Variants in CSMD2 observed in about 807,000 individuals in gnomAD.
CSMD2 encodes CUB and Sushi multiple domains 2.
A neutral mutation model predicts 398.5 loss-of-function variants in CSMD2; 130 were observed. The ratio of observed to expected loss-of-function variants is 0.33; its 90% CI spans 0.28 to 0.38. The LOEUF is 0.38. Among genes scored for constraint, CSMD2 ranks in the 10% least tolerant of loss-of-function variants. The pLI, the probability that CSMD2 is intolerant of heterozygous loss-of-function variation, is 1.00. For missense variants in CSMD2, 3,829 were observed against 4,764.9 expected, an observed-to-expected ratio of 0.80 and a Z score of 5.78; for synonymous variants, 1,828 against 1,908.5, an observed-to-expected ratio of 0.96 and a Z score of 1.10.
At chr1:33,590,821 T>C (rs1639388428) in intron 44 of CSMD2, among the ~76,000 whole-genome samples, 1 of 152,052 alleles carries the variant, frequency 6.6e-6, no homozygotes, top group African/African-American at 2.4e-5. Flanking sequence ...GTGAACATGT[T>C]AACTCGTGAA....
At chr1:33,603,205 G>T (rs915440149) in intron 42 of CSMD2, among the ~76,000 whole-genome samples, 2 of 152,154 alleles carry the variant, frequency 1.3e-5, no homozygotes, top group African/African-American at 4.8e-5. Flanking sequence ...GGCCCTGGAA[G>T]AGGACGCATT....
At chr1:33,935,984 T>A in intron 3 of CSMD2, 30 bp from the exon 4 acceptor site, 1 of 1,579,946 alleles carries the variant, frequency 6.3e-7, no homozygotes, top group Non-Finnish European at 8.6e-7. Flanking sequence ...AAGAGACGGG[T>A]ACCCCGTGAG....
rs762767195 is a variant in CSMD2 at position 33,908,034 on chromosome 1, C to T, written c.920+10060G>A. ...CCTGGGAGGTGGAGGCTGCAGTGAG[C>T]GAGATTGTGACATTGCACTCCAGCC... On this transcript the variant is annotated intron_variant, in intron 5 of 70. Coordinates refer to ENST00000373381, the MANE Select transcript of CSMD2 (RefSeq NM_001281956.2). 1.3e-4 allele frequency among the ~76,000 whole-genome samples: 17 copies of T among 131,582 alleles called. No individual in the cohort carries two copies. In the East Asian group the frequency reaches 1.3e-3, roughly 10 times the overall value. 86.3% of individuals were successfully genotyped at this position (131,582 alleles called of 152,430 possible).
chr1:33,791,504 T>C (rs1437442619), intron 11 of CSMD2, among the ~76,000 whole-genome samples: 1 of 152,068 alleles, frequency 6.6e-6, no homozygotes, highest in Non-Finnish European at 1.5e-5. Context: ...TTTCTTTTTT[T>C]AGACAGGATC....
chr1:33,919,348 T>C (rs1050857124), intron 4 of CSMD2, among the ~76,000 whole-genome samples: 2 of 152,176 alleles, frequency 1.3e-5, no homozygotes, highest in African/African-American at 4.8e-5. Context: ...GAAGTGGGTA[T>C]GTCTGTGGGG....
Position 34,142,275 on chromosome 1 carries a change from G to A in CSMD2, c.187+22636C>T, listed in dbSNP as rs1338716305. Among the ~76,000 whole-genome samples the A allele has an allele frequency of 2.0e-5, 3 of 152,022 alleles. No homozygotes were observed. In the East Asian group the frequency reaches 5.8e-4, roughly 29 times the overall value. On this transcript the variant is annotated intron_variant, in intron 1 of 70. Transcript: ENST00000373381. ...ACATCTAATAACTACGAGCAAATGG[G>A]GGTACACTCATCCAGAGATGAACGG... is the stretch of plus-strand genomic sequence containing the variant.
intron 55 of CSMD2, among the ~76,000 whole-genome samples, chr1:33,557,308 G>C (rs1335902169): frequency 6.6e-6 from 1 of 152,142 alleles, no homozygotes; most frequent in African/African-American, 2.4e-5. Context: ...AAGTTGGTCT[G>C]CCTCCAGAGT....
chr1:33,615,273 G>A (rs1641310216), intron 39 of CSMD2, among the ~76,000 whole-genome samples: 2 of 152,194 alleles, frequency 1.3e-5, no homozygotes, highest in Non-Finnish European at 2.9e-5. Flanking sequence ...AGGATGCAGG[G>A]CTGGGGCACC....
At chr1:33,942,440 GC>G (rs1644705161) in intron 3 of CSMD2, among the ~76,000 whole-genome samples, 1 of 152,256 alleles carries the variant, frequency 6.6e-6, no homozygotes, top group African/African-American at 2.4e-5. Flanking sequence ...TCAAATAGAG[GC>G]AGAGGTGCCA....
At chr1:33,967,409 C>T (rs1448019996) in intron 3 of CSMD2, among the ~76,000 whole-genome samples, 1 of 152,140 alleles carries the variant, frequency 6.6e-6, no homozygotes, top group Admixed American at 6.5e-5. Flanking sequence ...TGCATGTACA[C>T]TCCTGTTTAA....
At chr1:33,690,287 C>A (rs1015127267) in intron 25 of CSMD2, among the ~76,000 whole-genome samples, 1 of 152,162 alleles carries the variant, frequency 6.6e-6, no homozygotes, top group African/African-American at 2.4e-5. Context: ...TGCCTAGAGG[C>A]CCATTACCCT....
At chr1:33,996,694 A>T (rs1464579330) in intron 3 of CSMD2, among the ~76,000 whole-genome samples, 1 of 151,690 alleles carries the variant, frequency 6.6e-6, no homozygotes, top group Non-Finnish European at 1.5e-5. Flanking sequence ...TCATGGAATC[A>T]GTTCTATGAA....
chr1:33,844,968 G>A (rs1004020535), intron 6 of CSMD2, among the ~76,000 whole-genome samples: 7 of 152,134 alleles, frequency 4.6e-5, no homozygotes, highest in East Asian at 1.9e-4. Flanking sequence ...TTAATTTAGA[G>A]GCTGCAACTA....
intron 1 of CSMD2, among the ~76,000 whole-genome samples, chr1:34,145,234 A>ACC (rs1326616915): frequency 1.3e-5 from 2 of 152,216 alleles, no homozygotes; most frequent in African/African-American, 4.8e-5. Flanking sequence ...GAACAGAACC[A>ACC]CCCAAGTTAG....
rs1343543152 is a variant in CSMD2 at position 33,542,767 on chromosome 1, T to C, written c.9230A>G (p.His3077Arg). 1 of 1,614,004 alleles carries C rather than the reference T, an allele frequency of 6.2e-7. No individual in the cohort carries two copies. Among genetic ancestry groups the C allele is most frequent in the Admixed American group, 1.7e-5 (1 of 60,006 alleles). The part of the protein sequence containing the change: ...GYYATGLLSR[H>R]CSVNGTWTGS... ...TGTCCAGGTACCATTGACCGAGCAG[T>C]GACGGCTGAGCAGGCCTGTGGCGTA... is the stretch of plus-strand genomic sequence containing the variant. The change falls in exon 58 of 71, where the codon CAC becomes CGC. Residue 3077 changes from histidine to arginine, a missense_variant. Transcript: ENST00000373381.
chr1:33,828,359 G>A (rs956060138), intron 6 of CSMD2, among the ~76,000 whole-genome samples: 1 of 152,220 alleles, frequency 6.6e-6, no homozygotes, highest in African/African-American at 2.4e-5. Flanking sequence ...AACAATTTGA[G>A]CCTGATAGCC....
At chr1:33,963,549 G>A (rs1389905566) in intron 3 of CSMD2, among the ~76,000 whole-genome samples, 1 of 152,082 alleles carries the variant, frequency 6.6e-6, no homozygotes, top group Non-Finnish European at 1.5e-5. Context: ...CCCACCCCAT[G>A]CAGTCCCTTT....
At chr1:33,844,403 C>T (rs551918650) in intron 6 of CSMD2, among the ~76,000 whole-genome samples, 7 of 152,350 alleles carry the variant, frequency 4.6e-5, no homozygotes, top group African/African-American at 1.7e-4. Context: ...GCACAGGACA[C>T]TTCCTCACAA....
intron 24 of CSMD2, among the ~76,000 whole-genome samples, chr1:33,698,389 T>C (rs1420985796): frequency 6.6e-6 from 1 of 152,178 alleles, no homozygotes; most frequent in Non-Finnish European, 1.5e-5. Context: ...GTCTTGGCGT[T>C]ACGATAAGCC....
Sources: allele counts gnomAD v4.1 joint callset (sites outside exome capture counted in the v4.1 genomes callset), GRCh38; gene constraint gnomAD v4.1.1; transcripts MANE v1.5; gene names NCBI Gene and HGNC (gene_info 2026-07-23, HGNC 2026-07-21).